Variants in NUP88 observed in about 807,000 individuals in gnomAD.
The protein encoded by NUP88 is nucleoporin 88, also known as nuclear pore complex protein Nup88.
NUP88 carries 57 observed loss-of-function variants against 93.9 expected under a neutral mutation model. That is an observed-to-expected ratio of 0.61 (90% confidence interval 0.49 to 0.76). The LOEUF is 0.76. Ranked by LOEUF, NUP88 falls within the 30% of genes least tolerant of loss-of-function variation. NUP88 has a pLI of 0.00. For missense variants in NUP88, 911 were observed against 901.0 expected, an observed-to-expected ratio of 1.01 and a Z score of -0.14; for synonymous variants, 346 against 336.8, an observed-to-expected ratio of 1.03 and a Z score of -0.30.
chr17:5,418,443 G>A (rs902102685), intron 1 of NUP88, among the ~76,000 whole-genome samples: 3 of 151,952 alleles, frequency 2.0e-5, no homozygotes, highest in Non-Finnish European at 2.9e-5. Context: ...TAGTAGAGAC[G>A]GGGTTTCACC....
rs372132848 is a variant in NUP88 at position 5,413,032 on chromosome 17, G to A, written c.593+977C>T. Reference sequence around the variant, plus strand: ...AAAGATTTGAGATCAAATAGCTTTCGACATTCTTATTTTCTTTAGACAGGG... The same window carrying A: ...AAAGATTTGAGATCAAATAGCTTTCAACATTCTTATTTTCTTTAGACAGGG... On this transcript the variant is annotated intron_variant, in intron 3 of 16. Coordinates refer to ENST00000573584, the MANE Select transcript of NUP88 (RefSeq NM_002532.6). 3.9e-5 allele frequency among the ~76,000 whole-genome samples: 6 copies of A among 152,200 alleles called. No homozygotes were observed. In the South Asian group the frequency reaches 6.2e-4, roughly 16 times the overall value.
intron 16 of NUP88, 99 bp from the exon 17 acceptor site, chr17:5,386,368 G>T: frequency 1.1e-6 from 1 of 929,020 alleles, no homozygotes; most frequent in South Asian, 1.6e-5. Flanking sequence ...TCTAAGAACT[G>T]CTTTGCTAAA....
intron 1 of NUP88, among the ~76,000 whole-genome samples, chr17:5,417,501 G>A (rs1013727822): frequency 2.0e-5 from 3 of 151,498 alleles, no homozygotes; most frequent in African/African-American, 7.3e-5. Flanking sequence ...TTTAAAAAAT[G>A]ACAAGGGCAG....
At position 5,412,997 on chromosome 17, in the gene NUP88, C is replaced by A. The variant is rs775931460; in HGVS notation, c.593+1012G>T. Among the ~76,000 whole-genome samples the A allele has an allele frequency of 1.8e-4, 27 of 152,354 alleles. 1 individual carries two copies. Among genetic ancestry groups the A allele is most frequent in the Non-Finnish European group, 1.6e-4 (11 of 68,038 alleles). ...GGTCTGACCTACAAAAGGGCCAGGA[C>A]ATAGTTGTGAAAGATTTGAGATCAA... On this transcript the variant is annotated intron_variant, in intron 3 of 16. Transcript: ENST00000573584.
At chr17:5,400,203 A>G (rs1033402028) in intron 7 of NUP88, among the ~76,000 whole-genome samples, 1 of 150,136 alleles carries the variant, frequency 6.7e-6, no homozygotes, top group African/African-American at 2.4e-5. Flanking sequence ...TATGTTTTAA[A>G]AAGTATAAAA....
chr17:5,394,820 G>T, intron 9 of NUP88, 71 bp downstream of exon 9: 1 of 1,018,664 alleles, frequency 9.8e-7, no homozygotes, highest in South Asian at 1.3e-5. Context: ...TGAGTGTAAC[G>T]GATACAAACG....
intron 4 of NUP88, among the ~76,000 whole-genome samples, chr17:5,410,218 T>G (rs1039401328): frequency 9.9e-5 from 15 of 152,220 alleles, no homozygotes; most frequent in Non-Finnish European, 2.1e-4. Flanking sequence ...CTTTGATCTA[T>G]TTTTCTCAAT....
rs1256158505 is a variant in NUP88, at chr17:5,404,101, CT to C, written c.1189del (p.Arg397GlufsTer22). Reference protein sequence around the residue: ...SDFSCPVKLHRDPKCPSRYHC... With the variant: ...SDFSCPVKLHXDPKCPSRYHC... ...ACTACATTTATTGAAGAGCTTACCT[CT>C]ATGAAGTTTGACTGGACAAGAAAAG... On this transcript the variant is annotated frameshift_variant, in exon 7 of 17. Coordinates refer to ENST00000573584, the MANE Select transcript of NUP88 (RefSeq NM_002532.6). LOFTEE classifies it high-confidence loss of function. 1.9e-6 allele frequency: 3 copies of C among 1,613,828 alleles called. No homozygotes were observed. Among genetic ancestry groups the C allele is most frequent in the Non-Finnish European group, 2.5e-6 (3 of 1,179,920 alleles).
intron 2 of NUP88, among the ~76,000 whole-genome samples, chr17:5,414,999 T>C (rs886357774): frequency 1.3e-5 from 2 of 151,284 alleles, no homozygotes; most frequent in Non-Finnish European, 2.9e-5. Context: ...ATTTTAATAA[T>C]TTAAATTATT....
At position 5,399,461 on chromosome 17, in the gene NUP88, C is replaced by G. The variant is rs574818247; in HGVS notation, c.1291+91G>C. The G allele has an allele frequency of 4.0e-5, 26 of 651,924 alleles. No individual in the cohort carries two copies. The South Asian group carries it at 4.7e-4, about 12-fold the overall frequency. 40.4% of individuals were successfully genotyped at this position (651,924 alleles called of 1,614,324 possible). A position where few individuals can be genotyped will look rare whatever the true frequency, so the allele number is the denominator to read the frequency against. ...TTTCGGTTTCACTGATTTTCTCTAT[C>G]ATTTTTCTATTCCAAACTACTTTTC... On this transcript the variant is annotated intron_variant, in intron 8 of 16. Coordinates refer to ENST00000573584, the MANE Select transcript of NUP88 (RefSeq NM_002532.6).
chr17:5,406,214 A>C (rs1286758406), intron 5 of NUP88, among the ~76,000 whole-genome samples: 1 of 152,248 alleles, frequency 6.6e-6, no homozygotes, highest in Non-Finnish European at 1.5e-5. Flanking sequence ...AGCTATAAAA[A>C]ATAAATGAGA....
chr17:5,414,022 C>G lies in NUP88; in HGVS notation c.580G>C (p.Asp194His). ...LDPHVVLLTS[D>H]NVIRIYSLRE... ...AATAAAATTTACCTGATTACGTTGT[C>G]TGATGTTAACAGCACTACGTGGGGA... Residue 194 changes from aspartate (D) to histidine (H), a missense_variant, in exon 3 of 17, where the codon GAC becomes CAC. Coordinates refer to ENST00000573584, the MANE Select transcript of NUP88 (RefSeq NM_002532.6). 1 of 1,613,744 alleles carries G rather than the reference C, an allele frequency of 6.2e-7. No homozygotes were observed. Among genetic ancestry groups the G allele is most frequent in the Non-Finnish European group, 8.5e-7 (1 of 1,179,760 alleles).
chr17:5,395,393 A>C (rs1912709144), intron 8 of NUP88, among the ~76,000 whole-genome samples: 1 of 152,198 alleles, frequency 6.6e-6, no homozygotes, highest in Non-Finnish European at 1.5e-5. Context: ...TGAAAATCTA[A>C]AATCCTAAAT....
At position 5,398,153 on chromosome 17, in the gene NUP88, C is replaced by T. The variant is rs200637692; in HGVS notation, c.1291+1399G>A. Among the ~76,000 whole-genome samples the T allele has an allele frequency of 1.2e-4, 6 of 49,678 alleles. No individual in the cohort carries two copies. The East Asian group carries it at 0.038, about 314-fold the overall frequency. 32.6% of individuals were successfully genotyped at this position (49,678 alleles called of 152,430 possible). The stretch of plus-strand genomic sequence containing the variant: ...GTCTTGAAGTCCTAACCTCAAGTGC[C>T]TCGGCCTCCAAAGTGCTGGGATTAT... On this transcript the variant is annotated intron_variant, in intron 8 of 16. Transcript: ENST00000573584.
intron 2 of NUP88, among the ~76,000 whole-genome samples, chr17:5,416,276 C>T (rs922829294): frequency 2.0e-5 from 3 of 151,296 alleles, no homozygotes; most frequent in Non-Finnish European, 4.4e-5. Context: ...TTACTTCTAC[C>T]TAATCGAAAG....
chr17:5,405,175 TA>T lies in NUP88; in HGVS notation c.925del (p.Tyr309MetfsTer16). ...MHPAAEDNYG[Y>X]DACAVLCLPC... ...TAAGCAGAGTACAGCACACGCATCATAACCATAGTTATCTTCAGCCGCAGGA... is the reference window on the plus strand; with the variant it reads ...TAAGCAGAGTACAGCACACGCATCATACCATAGTTATCTTCAGCCGCAGGA... On this transcript the variant is annotated frameshift_variant, in exon 6 of 17. Transcript: ENST00000573584. LOFTEE classifies it high-confidence loss of function. The T allele has an allele frequency of 1.2e-6, 2 of 1,614,204 alleles. No individual in the cohort carries two copies. The highest frequency in any genetic ancestry group is 1.7e-6 in the Non-Finnish European group (2 of 1,180,026).
At chr17:5,406,127 AC>A (rs1913474375) in intron 5 of NUP88, among the ~76,000 whole-genome samples, 1 of 152,232 alleles carries the variant, frequency 6.6e-6, no homozygotes, top group Non-Finnish European at 1.5e-5. Flanking sequence ...GAATTACTAT[AC>A]CATGTGATAA....
chr17:5,399,581 A>G lies in NUP88; in HGVS notation c.1262T>C (p.Ile421Thr). Residue 421 changes from isoleucine (I) to threonine (T), a missense_variant, in exon 8 of 17, where the codon ATT becomes ACT. Physicochemically the swap from Ile to Thr is moderately conservative, Grantham distance 89. Transcript: ENST00000573584. ...TCCAAGAAATTTGTGAAGTTTATGAATCCAAGTTAGCCCAACACTATGTAC... is the reference window on the plus strand; with the variant it reads ...TCCAAGAAATTTGTGAAGTTTATGAGTCCAAGTTAGCCCAACACTATGTAC... ...AGVHSVGLTW[I>T]HKLHKFLGSD... The G allele has an allele frequency of 6.2e-7, 1 of 1,607,972 alleles. No individual in the cohort carries two copies. The highest frequency in any genetic ancestry group is 1.1e-5 in the South Asian group (1 of 90,424).
Position 5,410,758 on chromosome 17 carries a change from T to C in NUP88, c.625A>G (p.Thr209Ala). The change falls in exon 4 of 17, where the codon ACT (threonine) becomes GCT (alanine). Residue 209 changes from threonine to alanine, a missense_variant. By Grantham distance (58) the Thr-to-Ala change is moderately conservative (BLOSUM62 0). Coordinates refer to ENST00000573584, the MANE Select transcript of NUP88 (RefSeq NM_002532.6). ...GCTTCTGAAAGTATTATCACGTTAG[T>C]GGGTGTCTGCGGCTCACGTAGTGAG... The part of the protein sequence containing the change: ...IYSLREPQTP[T>A]NVIILSEAEE... 1.2e-6 allele frequency: 2 copies of C among 1,612,908 alleles called. No homozygotes were observed. The highest frequency in any genetic ancestry group is 1.7e-5 in the Admixed American group (1 of 59,922).
Sources: gnomAD v4.1 joint callset for allele counts (sites outside exome capture counted in the v4.1 genomes callset) on GRCh38, gnomAD v4.1.1 for gene constraint, MANE v1.5 for transcripts, NCBI Gene and HGNC (gene_info 2026-07-23, HGNC 2026-07-21) for gene names.